ROBO2: variants seen among roughly 807,000 people sequenced by gnomAD.
ROBO2 encodes roundabout homolog 2.
In ROBO2, 53 loss-of-function variants were observed where a neutral mutation model predicts 160.8. The observed-to-expected ratio is 0.33, with a 90% CI of 0.26 to 0.41. The LOEUF is 0.41. ROBO2 is among the 10% of genes least tolerant of loss of function. The pLI is 1.00. For missense variants in ROBO2, 1,577 were observed against 1,722.4 expected, an observed-to-expected ratio of 0.92 and a Z score of 1.49; for synonymous variants, 664 against 611.7, an observed-to-expected ratio of 1.09 and a Z score of -1.26.
At chr3:76,444,492 A>C (rs1013347124) in intron 2 of ROBO2, among the ~76,000 whole-genome samples, 16 of 152,144 alleles carry the variant, frequency 1.1e-4, no homozygotes, top group African/African-American at 3.9e-4. Context: ...ATGGCTAGGG[A>C]GGCCTCAGGA....
intron 2 of ROBO2, among the ~76,000 whole-genome samples, chr3:77,273,333 TG>T (rs1400589731): frequency 6.6e-6 from 1 of 152,174 alleles, no homozygotes; most frequent in African/African-American, 2.4e-5. Context: ...AAATGCCACA[TG>T]TTCTCACTTA....
intron 2 of ROBO2, among the ~76,000 whole-genome samples, chr3:76,465,487 A>C (rs1440851965): frequency 6.6e-6 from 1 of 152,020 alleles, no homozygotes; most frequent in Non-Finnish European, 1.5e-5. Context: ...TTTTTGATTT[A>C]TTACTGAAGC....
intron 1 of ROBO2, among the ~76,000 whole-genome samples, chr3:77,080,268 G>C (rs898275970): frequency 6.6e-6 from 1 of 152,180 alleles, no homozygotes; most frequent in Admixed American, 6.5e-5. Flanking sequence ...GGTCTGATTA[G>C]CTTGACTGTG....
chr3:77,534,353 C>T (rs193201137), intron 6 of ROBO2, among the ~76,000 whole-genome samples: 61 of 151,818 alleles, frequency 4.0e-4, no homozygotes, highest in Middle Eastern at 3.4e-3. Context: ...AATTAAAGTA[C>T]TATAAATATT....
At chr3:77,034,660 T>C (rs1227019023) in intron 2 of ROBO2, among the ~76,000 whole-genome samples, 1 of 151,916 alleles carries the variant, frequency 6.6e-6, no homozygotes, top group Admixed American at 6.6e-5. Context: ...AGCATACAAC[T>C]GTAAAAATCC....
chr3:77,235,540 C>G (rs2087850145), intron 2 of ROBO2, among the ~76,000 whole-genome samples: 1 of 151,934 alleles, frequency 6.6e-6, no homozygotes, highest in South Asian at 2.1e-4. Flanking sequence ...TTTATACATT[C>G]CTTTTTAATG....
At chr3:77,238,708 AT>A (rs1217611503) in intron 2 of ROBO2, among the ~76,000 whole-genome samples, 1 of 152,042 alleles carries the variant, frequency 6.6e-6, no homozygotes, top group Admixed American at 6.6e-5. Context: ...GTAATATTTA[AT>A]TTTTTTATAA....
intron 2 of ROBO2, among the ~76,000 whole-genome samples, chr3:77,399,634 T>A (rs2075612287): frequency 6.6e-6 from 1 of 152,102 alleles, no homozygotes; most frequent in Non-Finnish European, 1.5e-5. Flanking sequence ...TAAATTGATT[T>A]AATTGGTCAT....
At chr3:77,446,528 T>G (rs2153558641) in intron 2 of ROBO2, among the ~76,000 whole-genome samples, 1 of 152,274 alleles carries the variant, frequency 6.6e-6, no homozygotes, top group African/African-American at 2.4e-5. Flanking sequence ...CATCATGTTG[T>G]CATATCCCTT....
At chr3:76,954,458 C>T (rs1171823649) in intron 2 of ROBO2, among the ~76,000 whole-genome samples, 2 of 152,170 alleles carry the variant, frequency 1.3e-5, no homozygotes, top group Admixed American at 1.3e-4. Context: ...AGTGGCCTCA[C>T]CTGAATGGCA....
At chr3:77,108,537 A>C (rs541943133) in intron 2 of ROBO2, among the ~76,000 whole-genome samples, 3 of 152,132 alleles carry the variant, frequency 2.0e-5, no homozygotes, top group Admixed American at 6.5e-5. Flanking sequence ...AATCGTTAAG[A>C]GTAAAACGGG....
intron 2 of ROBO2, among the ~76,000 whole-genome samples, chr3:76,931,660 T>G (rs1402720159): frequency 6.6e-6 from 1 of 151,968 alleles, no homozygotes; most frequent in East Asian, 1.9e-4. Flanking sequence ...AGTCTAGTAT[T>G]ATATTTACGG....
intron 2 of ROBO2, among the ~76,000 whole-genome samples, chr3:76,068,947 T>C (rs754854384): frequency 3.3e-5 from 5 of 152,220 alleles, no homozygotes; most frequent in African/African-American, 7.2e-5. Flanking sequence ...TATTAGCTGC[T>C]GCTTCCTAGG....
chr3:75,955,093 G>A (rs937013764), intron 2 of ROBO2, among the ~76,000 whole-genome samples: 2 of 151,730 alleles, frequency 1.3e-5, no homozygotes, highest in Non-Finnish European at 2.9e-5. Flanking sequence ...TTGTTTGTTT[G>A]TTTGTTTTGC....
At chr3:76,662,477 C>A (rs1024281745) in intron 2 of ROBO2, among the ~76,000 whole-genome samples, 6 of 151,762 alleles carry the variant, frequency 4.0e-5, no homozygotes, top group African/African-American at 1.5e-4. Context: ...ACTATGGATT[C>A]AAAAACAGCT....
At chr3:76,065,175 C>T (rs1044751158) in intron 2 of ROBO2, among the ~76,000 whole-genome samples, 4 of 152,038 alleles carry the variant, frequency 2.6e-5, no homozygotes, top group Non-Finnish European at 4.4e-5. Flanking sequence ...ACACAGGGTC[C>T]GTATCTCTCC....
At chr3:77,577,003 T>A (rs777765733) in intron 14 of ROBO2, among the ~76,000 whole-genome samples, 10 of 152,138 alleles carry the variant, frequency 6.6e-5, no homozygotes, top group Non-Finnish European at 1.5e-4. Context: ...CTTCTCAGAA[T>A]AATTTTGGTT....
At chr3:76,295,609 G>A (rs1020119529) in intron 2 of ROBO2, among the ~76,000 whole-genome samples, 6 of 152,046 alleles carry the variant, frequency 3.9e-5, no homozygotes, top group Non-Finnish European at 8.8e-5. Context: ...ACACTATTAT[G>A]TTAGAATTTT....
intron 2 of ROBO2, among the ~76,000 whole-genome samples, chr3:76,184,298 G>C (rs778205898): frequency 2.0e-5 from 3 of 152,044 alleles, no homozygotes; most frequent in Non-Finnish European, 4.4e-5. Flanking sequence ...TCCTCCTCCA[G>C]TGGGTTGCCC....
Sources: gnomAD v4.1 joint callset for allele counts (sites outside exome capture counted in the v4.1 genomes callset) on GRCh38, gnomAD v4.1.1 for gene constraint, MANE v1.5 for transcripts, NCBI Gene and HGNC (gene_info 2026-07-23, HGNC 2026-07-21) for gene names.